The following GORAB variants were observed in gnomAD, a reference collection of about 807,000 sequenced individuals.
GORAB encodes the protein RAB6-interacting golgin.
GORAB carries 17 observed loss-of-function variants against 29.9 expected under a neutral mutation model. The observed-to-expected ratio is 0.57, with a 90% confidence interval of 0.39 to 0.85. GORAB has a LOEUF of 0.85. GORAB is among the 40% of genes least tolerant of loss of function. GORAB has a pLI of 0.00. For synonymous variants in GORAB, 183 were observed against 157.2 expected (o/e 1.16, Z -1.23); for missense variants, 442 against 437.8 (o/e 1.01, Z -0.09).
intron 1 of GORAB, among the ~76,000 whole-genome samples, chr1:170,535,848 C>T (rs575660151): frequency 1.1e-3 from 164 of 152,200 alleles, no homozygotes; most frequent in Non-Finnish European, 1.9e-3. Context: ...AGCCACCACT[C>T]CAGGCCTTAA....
chr1:170,553,542 A>G lies in GORAB; in HGVS notation c.*1080A>G, dbSNP rs992719082. 2 of 433,120 alleles carry G rather than the reference A, an allele frequency of 4.6e-6. No individual in the cohort carries two copies. Among genetic ancestry groups the G allele is most frequent in the African/African-American group, 2.1e-5 (1 of 48,424 alleles). The allele number at this position is 433,120 out of a possible 1,614,324, so 26.8% of individuals were successfully genotyped here. ...TTTTTTTTTTAAAAAAAGAATTATT[A>G]TCAGAGAACATAAGCACAAGTATAA... On this transcript the variant is annotated 3_prime_UTR_variant, in exon 5 of 5. Coordinates refer to ENST00000367763, the MANE Select transcript of GORAB (RefSeq NM_152281.3).
At chr1:170,538,566 A>G (rs865941480) in intron 1 of GORAB, among the ~76,000 whole-genome samples, 7 of 152,202 alleles carry the variant, frequency 4.6e-5, no homozygotes, top group Admixed American at 3.3e-4. Flanking sequence ...TGAGGCTACT[A>G]TTAAAATCAG....
chr1:170,544,633 TCAC>T, intron 3 of GORAB, 69 bp from the exon 4 acceptor site: 1 of 1,306,892 alleles, frequency 7.7e-7, no homozygotes, highest in Admixed American at 1.7e-5. Context: ...TCTTGCTTTT[TCAC>T]TTACATTGTA....
Position 170,553,676 on chromosome 1 carries a change from T to G in GORAB, c.*1214T>G, listed in dbSNP as rs1402355652. 7 of 450,134 alleles carry G rather than the reference T, an allele frequency of 1.6e-5. No individual in the cohort carries two copies. Among genetic ancestry groups the G allele is most frequent in the Non-Finnish European group, 2.7e-5 (6 of 225,948 alleles). The allele number at this position is 450,134 out of a possible 1,614,324, so 27.9% of individuals were successfully genotyped here. A position where few individuals can be genotyped will look rare whatever the true frequency, so the allele number is the denominator to read the frequency against. On this transcript the variant is annotated 3_prime_UTR_variant, in exon 5 of 5. Transcript: ENST00000367763. ...TATAGATGAGCTTTATATTTTTATA[T>G]TATGTAATTTGAGTTGAAAGTATAA...
In GORAB at chr1:170,553,366, T is replaced by C. The variant is rs1378736657; in HGVS notation, c.*904T>C. 8.9e-6 allele frequency: 4 copies of C among 450,464 alleles called. No homozygotes were observed. The highest frequency in any genetic ancestry group is 4.7e-5 in the Admixed American group (2 of 42,118). The allele number at this position is 450,464 out of a possible 1,614,324, so 27.9% of individuals were successfully genotyped here. A position where few individuals can be genotyped will look rare whatever the true frequency, so the allele number is the denominator to read the frequency against. ...AAATGCTGATTTTCTTATTAGTTTG[T>C]TAATTGCCTGTTACTAGTACTTGAC... On this transcript the variant is annotated 3_prime_UTR_variant, in exon 5 of 5. Transcript: ENST00000367763.
rs1557999449 is a variant in GORAB, at chr1:170,532,193, G to A, written c.-31G>A. The A allele has an allele frequency of 6.2e-7, 1 of 1,613,828 alleles. No individual in the cohort carries two copies. Among genetic ancestry groups the A allele is most frequent in the Non-Finnish European group, 8.5e-7 (1 of 1,180,054 alleles). On this transcript the variant is annotated 5_prime_UTR_variant, in exon 1 of 5. Coordinates refer to ENST00000367763, the MANE Select transcript of GORAB (RefSeq NM_152281.3). Reference sequence around the variant, plus strand: ...TGGCAGTCGCGGCTGCGAGATTTGGGCACTTTTGGGGGTGCCGGTGGCCCG... The same window carrying A: ...TGGCAGTCGCGGCTGCGAGATTTGGACACTTTTGGGGGTGCCGGTGGCCCG...
intron 2 of GORAB, among the ~76,000 whole-genome samples, chr1:170,541,488 A>G (rs1347624584): frequency 6.6e-6 from 1 of 152,072 alleles, no homozygotes; most frequent in African/African-American, 2.4e-5. Context: ...AGATGCCTGC[A>G]GTAGTAAAAG....
chr1:170,543,630 C>CT (rs34490973), intron 3 of GORAB, among the ~76,000 whole-genome samples: 1,680 of 135,680 alleles, frequency 0.012, 62 homozygotes, highest in East Asian at 0.12. Context: ...GTAGTGCCCT[C>CT]TTTTTTTTTT....
intron 1 of GORAB, among the ~76,000 whole-genome samples, chr1:170,535,665 C>G (rs892217643): frequency 1.2e-4 from 19 of 152,240 alleles, no homozygotes; most frequent in Middle Eastern, 6.8e-3. Context: ...CTCAGACTTC[C>G]AAGTAGCTGG....
At chr1:170,549,872 T>G (rs1238167142) in intron 4 of GORAB, among the ~76,000 whole-genome samples, 1 of 152,226 alleles carries the variant, frequency 6.6e-6, no homozygotes, top group East Asian at 1.9e-4. Context: ...TAATTTTAGA[T>G]TCATGCTTAC....
At chr1:170,543,786 C>T (rs1649589768) in intron 3 of GORAB, among the ~76,000 whole-genome samples, 1 of 152,076 alleles carries the variant, frequency 6.6e-6, no homozygotes, top group African/African-American at 2.4e-5. Flanking sequence ...TTTTAGACAG[C>T]ACCAGTATAA....
intron 1 of GORAB, among the ~76,000 whole-genome samples, chr1:170,536,774 A>G (rs1441831621): frequency 6.6e-6 from 1 of 152,260 alleles, no homozygotes; most frequent in East Asian, 1.9e-4. Flanking sequence ...GACAATATGA[A>G]TGACTATTGA....
At position 170,544,801 on chromosome 1, in the gene GORAB, C is replaced by T. The variant is rs35872826; in HGVS notation, c.618C>T (p.Leu206=). 1,454 of 1,614,052 alleles carry T rather than the reference C, an allele frequency of 9.0e-4. 8 individuals are homozygous for T. In the African/African-American group the frequency reaches 0.018, roughly 20 times the overall value. ...TGGTGTCAGCTGACATTGGAATTCTCAGGAACCGGATTGATCAGGCCAGCT... is the reference window on the plus strand; with the variant it reads ...TGGTGTCAGCTGACATTGGAATTCTTAGGAACCGGATTGATCAGGCCAGCT... ...DDMVSADIGI[L]RNRIDQASLD... is the part of the protein sequence containing the mutation. The change falls in exon 4 of 5, where the codon CTC becomes CTT. Residue 206 remains leucine (L), a synonymous_variant. Coordinates refer to ENST00000367763, the MANE Select transcript of GORAB (RefSeq NM_152281.3).
At position 170,547,187 on chromosome 1, in the gene GORAB, A is replaced by G. The variant is rs538971478; in HGVS notation, c.662+2342A>G. Among the ~76,000 whole-genome samples, 4 of 152,270 alleles carry G rather than the reference A, an allele frequency of 2.6e-5. No individual in the cohort carries two copies. In the South Asian group the frequency reaches 8.3e-4, roughly 32 times the overall value. On this transcript the variant is annotated intron_variant, in intron 4 of 4. Coordinates refer to ENST00000367763, the MANE Select transcript of GORAB (RefSeq NM_152281.3). ...TTTGAAGTGAAAGATAATCCCTAGG[A>G]CAGTCAGTTTTTATGGGAGATTTCC...
Position 170,552,546 on chromosome 1 carries a change from C to A in GORAB, c.*84C>A, listed in dbSNP as rs1312911756. The stretch of plus-strand genomic sequence containing the variant: ...ATCATGCCCTGACCTCCAATAAAAA[C>A]CTCTTTAAAACAATGCTGATTTTTG... On this transcript the variant is annotated 3_prime_UTR_variant, in exon 5 of 5. Coordinates refer to ENST00000367763, the MANE Select transcript of GORAB (RefSeq NM_152281.3). 1 of 1,118,986 alleles carries A rather than the reference C, an allele frequency of 8.9e-7. No individual in the cohort carries two copies. The highest frequency in any genetic ancestry group is 1.7e-5 in the Admixed American group (1 of 59,150). The allele number at this position is 1,118,986 out of a possible 1,614,324, so 69.3% of individuals were successfully genotyped here. A position where few individuals can be genotyped will look rare whatever the true frequency, so the allele number is the denominator to read the frequency against.
intron 1 of GORAB, 125 bp downstream of exon 1, chr1:170,532,409 T>A: frequency 9.6e-7 from 1 of 1,039,004 alleles, no homozygotes; most frequent in Non-Finnish European, 1.5e-6. Flanking sequence ...GCGCTGTAAG[T>A]ACGTGGACTG....
chr1:170,543,674 G>A, intron 3 of GORAB, among the ~76,000 whole-genome samples: 1 of 138,286 alleles, frequency 7.2e-6, no homozygotes. Flanking sequence ...AATAATTAAA[G>A]CATTTTAGTA....
intron 1 of GORAB, chr1:170,538,919 G>A (rs1276389714): frequency 2.6e-6 from 1 of 382,474 alleles, no homozygotes; most frequent in Non-Finnish European, 4.7e-6. Context: ...ATGAAATCAA[G>A]TTGAAAAAGA....
chr1:170,535,643 C>T (rs936414532), intron 1 of GORAB, among the ~76,000 whole-genome samples: 11 of 152,104 alleles, frequency 7.2e-5, no homozygotes, highest in African/African-American at 1.7e-4. Flanking sequence ...TGGGCTCAAG[C>T]GATCCTCCTG....
Sources: gnomAD v4.1 joint callset for allele counts (sites outside exome capture counted in the v4.1 genomes callset) on GRCh38, gnomAD v4.1.1 for gene constraint, MANE v1.5 for transcripts, NCBI Gene and HGNC (gene_info 2026-07-23, HGNC 2026-07-21) for gene names.